TNNI3K: variants seen among roughly 807,000 people sequenced by gnomAD.
The protein encoded by TNNI3K is serine/threonine-protein kinase TNNI3K.
In TNNI3K, 140 loss-of-function variants were observed where a neutral mutation model predicts 114.5. The ratio of observed to expected loss-of-function variants is 1.22; its 90% CI spans 1.07 to 1.41. TNNI3K has a LOEUF of 1.41. Ranked by LOEUF, TNNI3K falls within the 40% of genes most tolerant of loss-of-function variation. The pLI is 0.00. For missense variants in TNNI3K, 1,125 were observed against 1,007.6 expected, an observed-to-expected ratio of 1.12 and a Z score of -1.58; for synonymous variants, 347 against 347.5, an observed-to-expected ratio of 1.00 and a Z score of 0.02.
At chr1:74,383,552 A>G (rs1361823510) in intron 17 of TNNI3K, among the ~76,000 whole-genome samples, 5 of 150,842 alleles carry the variant, frequency 3.3e-5, no homozygotes, top group Admixed American at 1.3e-4. Context: ...AGCACATCAG[A>G]CTCTTGCTTA....
chr1:74,518,121 G>A (rs1282895714), intron 23 of TNNI3K, among the ~76,000 whole-genome samples: 2 of 152,150 alleles, frequency 1.3e-5, no homozygotes, highest in African/African-American at 2.4e-5. Context: ...AGGTTCCCAG[G>A]TAAGTCAAGA....
At chr1:74,519,410 G>T (rs1646399027) in intron 23 of TNNI3K, among the ~76,000 whole-genome samples, 1 of 123,752 alleles carries the variant, frequency 8.1e-6, no homozygotes, top group Non-Finnish European at 1.6e-5. Context: ...TAATGGGATG[G>T]CTGGGTCAAA....
At chr1:74,430,060 T>C (rs1412553661) in intron 17 of TNNI3K, among the ~76,000 whole-genome samples, 2 of 152,136 alleles carry the variant, frequency 1.3e-5, no homozygotes, top group Non-Finnish European at 2.9e-5. Context: ...TATGAATTTT[T>C]AAGTGACTTT....
At chr1:74,444,985 AG>A (rs1392502057) in intron 20 of TNNI3K, among the ~76,000 whole-genome samples, 1 of 152,196 alleles carries the variant, frequency 6.6e-6, no homozygotes, top group African/African-American at 2.4e-5. Flanking sequence ...AGCCATATGC[AG>A]AAAACTGAAG....
intron 17 of TNNI3K, among the ~76,000 whole-genome samples, chr1:74,395,065 C>A (rs1278875845): frequency 2.0e-5 from 3 of 150,304 alleles, no homozygotes; most frequent in African/African-American, 7.4e-5. Context: ...AAAGAGAAAA[C>A]ACTTAAAGCC....
At chr1:74,538,394 T>G (rs549113665) in intron 23 of TNNI3K, among the ~76,000 whole-genome samples, 1 of 152,258 alleles carries the variant, frequency 6.6e-6, no homozygotes, top group East Asian at 1.9e-4. Flanking sequence ...CTATTAATTC[T>G]ATTAAATGCT....
intron 2 of TNNI3K, among the ~76,000 whole-genome samples, chr1:74,247,867 C>T (rs6660350): frequency 0.59 from 89,917 of 152,016 alleles, 30,290 homozygotes; most frequent in East Asian, 0.82. Context: ...GGGCCGCAGG[C>T]GGAGCCGCCT....
intron 21 of TNNI3K, chr1:74,480,172 C>T (rs1668411034): frequency 1.4e-6 from 1 of 716,940 alleles, no homozygotes; most frequent in Non-Finnish European, 2.6e-6. Flanking sequence ...CAAGGACAGT[C>T]AGCAGGGCCA....
intron 17 of TNNI3K, among the ~76,000 whole-genome samples, chr1:74,410,687 G>T (rs1664839859): frequency 6.6e-6 from 1 of 152,126 alleles, no homozygotes. Context: ...TTAAAGCCTG[G>T]TATTCCTTCT....
At chr1:74,449,725 C>G (rs969756480) in intron 20 of TNNI3K, among the ~76,000 whole-genome samples, 3 of 151,366 alleles carry the variant, frequency 2.0e-5, no homozygotes, top group Non-Finnish European at 2.9e-5. Context: ...TATATATGCA[C>G]CCAATACAGG....
chr1:74,350,477 A>G (rs1054635137), intron 9 of TNNI3K, among the ~76,000 whole-genome samples: 1 of 152,154 alleles, frequency 6.6e-6, no homozygotes, highest in Non-Finnish European at 1.5e-5. Flanking sequence ...GTAGATGTCT[A>G]TTAGGTCCAC....
intron 17 of TNNI3K, among the ~76,000 whole-genome samples, chr1:74,383,703 A>C (rs1663323216): frequency 6.6e-6 from 1 of 152,160 alleles, no homozygotes; most frequent in Non-Finnish European, 1.5e-5. Flanking sequence ...ACTGGGGCCT[A>C]ATAAAAATTC....
At chr1:74,324,618 C>T (rs1659801573) in intron 5 of TNNI3K, among the ~76,000 whole-genome samples, 1 of 152,090 alleles carries the variant, frequency 6.6e-6, no homozygotes, top group African/African-American at 2.4e-5. Context: ...AAGAAGAGGG[C>T]AGCACACCTT....
rs1315049653 is a variant in TNNI3K, at chr1:74,307,361, T to G, written c.445-24089T>G. On this transcript the variant is annotated intron_variant, in intron 5 of 24. Transcript: ENST00000326637. ...TTGGATAAAAATCGAGACCCAACTT[T>G]ATGCTATATTCAAGAGACCCATCTT... Among the ~76,000 whole-genome samples, 4 of 152,134 alleles carry G rather than the reference T, an allele frequency of 2.6e-5. 1 individual carries two copies. In the South Asian group the frequency reaches 6.2e-4, roughly 24 times the overall value.
chr1:74,495,078 A>T (rs146505626), intron 23 of TNNI3K, among the ~76,000 whole-genome samples: 18 of 152,310 alleles, frequency 1.2e-4, no homozygotes, highest in African/African-American at 4.1e-4. Flanking sequence ...AGCTTTTTTG[A>T]GATGCTCCTT....
chr1:74,482,835 G>A (rs1036305017), intron 21 of TNNI3K, among the ~76,000 whole-genome samples: 7 of 152,138 alleles, frequency 4.6e-5, no homozygotes, highest in African/African-American at 1.2e-4. Context: ...AAAATGAGAC[G>A]CACTTTGATA....
At chr1:74,343,223 A>C in intron 9 of TNNI3K, 44 bp downstream of exon 9, 10 of 1,555,396 alleles carry the variant, frequency 6.4e-6, no homozygotes, top group Non-Finnish European at 8.7e-6. Flanking sequence ...CTTAGCTGAC[A>C]CTCTAAAGCA....
At chr1:74,466,952 T>C (rs1421539431) in intron 21 of TNNI3K, among the ~76,000 whole-genome samples, 1 of 152,218 alleles carries the variant, frequency 6.6e-6, no homozygotes, top group African/African-American at 2.4e-5. Context: ...AATGATTCTA[T>C]AGTTAACTGC....
At chr1:74,451,468 T>C (rs894533244) in intron 20 of TNNI3K, among the ~76,000 whole-genome samples, 5 of 152,002 alleles carry the variant, frequency 3.3e-5, no homozygotes, top group African/African-American at 1.2e-4. Context: ...ATAAATTTTA[T>C]TGCAATCTAG....
Sources: gnomAD v4.1 joint callset for allele counts (sites outside exome capture counted in the v4.1 genomes callset) on GRCh38, gnomAD v4.1.1 for gene constraint, MANE v1.5 for transcripts, NCBI Gene and HGNC (gene_info 2026-07-23, HGNC 2026-07-21) for gene names.